Variants in ETV6 observed in about 807,000 individuals in gnomAD.
The protein encoded by ETV6 is transcription factor ETV6.
Under a neutral mutation model 51.1 loss-of-function variants are expected in ETV6, and 16 were observed. The observed-to-expected ratio is 0.31, with a 90% CI of 0.21 to 0.48. The LOEUF (loss-of-function observed/expected upper bound fraction) is 0.48. ETV6 is among the 20% of genes least tolerant of loss of function. The pLI is 0.99. For synonymous variants in ETV6, 240 were observed against 224.1 expected (o/e 1.07, Z -0.64); for missense variants, 458 against 594.8 (o/e 0.77, Z 2.39).
rs1946281180 is a variant in ETV6, at chr12:11,834,056, T to TA, written c.164-5083dup. Among the ~76,000 whole-genome samples, 4 of 152,326 alleles carry TA rather than the reference T, an allele frequency of 2.6e-5. 1 individual carries two copies. Among genetic ancestry groups the TA allele is most frequent in the African/African-American group, 9.6e-5 (4 of 41,580 alleles). Reference sequence around the variant, plus strand: ...GCTGCGTTTAGGAATTGAAGCCACATAGATCTCTGGAGGAGGCAGGCAGGT... The same window carrying TA: ...GCTGCGTTTAGGAATTGAAGCCACATAAGATCTCTGGAGGAGGCAGGCAGGT... On this transcript the variant is annotated intron_variant, in intron 2 of 7. Coordinates refer to ENST00000396373, the MANE Select transcript of ETV6 (RefSeq NM_001987.5).
intron 1 of ETV6, among the ~76,000 whole-genome samples, chr12:11,724,005 G>A (rs372295474): frequency 5.3e-5 from 8 of 152,112 alleles, no homozygotes; most frequent in South Asian, 2.1e-4. Context: ...TCTCTGACCC[G>A]TGCAGTGGTG....
At chr12:11,812,621 G>A (rs978409359) in intron 2 of ETV6, among the ~76,000 whole-genome samples, 5 of 152,064 alleles carry the variant, frequency 3.3e-5, no homozygotes, top group Non-Finnish European at 7.4e-5. Context: ...CTTACCAGAG[G>A]CGGGTCTCTT....
intron 5 of ETV6, among the ~76,000 whole-genome samples, chr12:11,871,152 C>T (rs999610674): frequency 6.6e-6 from 1 of 151,724 alleles, no homozygotes; most frequent in Non-Finnish European, 1.5e-5. Flanking sequence ...AGTGGAAGAA[C>T]AGGCTCCTAC....
At chr12:11,723,056 A>C (rs1227950072) in intron 1 of ETV6, among the ~76,000 whole-genome samples, 1 of 152,198 alleles carries the variant, frequency 6.6e-6, no homozygotes, top group African/African-American at 2.4e-5. Flanking sequence ...CCTGGGCTTG[A>C]ATCTCAGATC....
At chr12:11,768,285 T>A (rs1392914116) in intron 2 of ETV6, among the ~76,000 whole-genome samples, 1 of 152,232 alleles carries the variant, frequency 6.6e-6, no homozygotes, top group Non-Finnish European at 1.5e-5. Flanking sequence ...AAAACTTAGA[T>A]ACCATGTGGA....
chr12:11,793,972 C>T (rs1430673394), intron 2 of ETV6, among the ~76,000 whole-genome samples: 2 of 152,022 alleles, frequency 1.3e-5, no homozygotes, highest in African/African-American at 2.4e-5. Context: ...AGAATAAATA[C>T]CATGAGAAAA....
chr12:11,677,056 C>T (rs12424674), intron 1 of ETV6, among the ~76,000 whole-genome samples: 5,980 of 152,266 alleles, frequency 0.039, 334 homozygotes, highest in Admixed American at 0.15. Context: ...TACACATAAC[C>T]TGCAGTGGTT....
chr12:11,820,382 G>A (rs541256326), intron 2 of ETV6, among the ~76,000 whole-genome samples: 1 of 152,202 alleles, frequency 6.6e-6, no homozygotes, highest in Non-Finnish European at 1.5e-5. Context: ...CCGTTCACAT[G>A]CTAGTGAAGA....
chr12:11,689,392 A>G (rs1864702224), intron 1 of ETV6, among the ~76,000 whole-genome samples: 1 of 152,156 alleles, frequency 6.6e-6, no homozygotes. Context: ...CGTCGTTTGA[A>G]TATTTAAAGA....
chr12:11,779,184 C>G, intron 2 of ETV6, among the ~76,000 whole-genome samples: 2 of 152,168 alleles, frequency 1.3e-5, no homozygotes, highest in East Asian at 3.8e-4. Flanking sequence ...GCATGCTTTC[C>G]CGAATAAGTC....
In ETV6 at chr12:11,751,814, A is replaced by C; in HGVS notation, c.34-636A>C. 4.0e-6 allele frequency: 2 copies of C among 505,650 alleles called. 1 individual carries two copies. Among genetic ancestry groups the C allele is most frequent in the Non-Finnish European group, 7.9e-6 (2 of 253,458 alleles). The allele number at this position is 505,650 out of a possible 1,614,324, so 31.3% of individuals were successfully genotyped here. ...AGAGTAAAAGAACAAGGAGATATTC[A>C]TTATTGTTGCAGATAATTCCTAGCA... On this transcript the variant is annotated intron_variant, in intron 1 of 7. Coordinates refer to ENST00000396373, the MANE Select transcript of ETV6 (RefSeq NM_001987.5).
At chr12:11,853,342 G>A (rs900249392) in intron 3 of ETV6, 85 bp from the exon 4 acceptor site, 104 of 1,534,780 alleles carry the variant, frequency 6.8e-5, no homozygotes, top group Non-Finnish European at 8.8e-5. Flanking sequence ...TTGGCACCGT[G>A]CCAGGCACTT....
intron 1 of ETV6, among the ~76,000 whole-genome samples, chr12:11,737,640 A>AT (rs1327788378): frequency 5.9e-5 from 9 of 152,192 alleles, no homozygotes; most frequent in African/African-American, 2.2e-4. Flanking sequence ...ATGCATATTA[A>AT]TTTTTTAGGC....
chr12:11,729,874 G>T (rs569817659), intron 1 of ETV6, among the ~76,000 whole-genome samples: 1 of 152,270 alleles, frequency 6.6e-6, no homozygotes, highest in Admixed American at 6.5e-5. Context: ...TGAATGCATG[G>T]GTTAAAGCAG....
At chr12:11,859,456 A>C (rs953143774) in intron 4 of ETV6, among the ~76,000 whole-genome samples, 65 of 152,186 alleles carry the variant, frequency 4.3e-4, no homozygotes, top group African/African-American at 1.5e-3. Context: ...CTGCTTCTTA[A>C]TAACAAAATA....
At chr12:11,860,215 C>A (rs1396610285) in intron 4 of ETV6, among the ~76,000 whole-genome samples, 1 of 152,182 alleles carries the variant, frequency 6.6e-6, no homozygotes, top group Non-Finnish European at 1.5e-5. Context: ...CACATCCTGT[C>A]ACTGGTTGTA....
intron 2 of ETV6, among the ~76,000 whole-genome samples, chr12:11,775,124 G>T (rs146047324): frequency 6.6e-6 from 1 of 152,286 alleles, no homozygotes; most frequent in East Asian, 1.9e-4. Flanking sequence ...TTTGCTTTCC[G>T]CAGTCAAAAC....
chr12:11,791,863 A>G (rs893617628), intron 2 of ETV6, among the ~76,000 whole-genome samples: 16 of 151,182 alleles, frequency 1.1e-4, no homozygotes, highest in African/African-American at 3.4e-4. Context: ...GTGGTCGTTT[A>G]AAAAAAAAGA....
chr12:11,742,969 G>A (rs998197885), intron 1 of ETV6, among the ~76,000 whole-genome samples: 1 of 151,918 alleles, frequency 6.6e-6, no homozygotes, highest in Non-Finnish European at 1.5e-5. Context: ...ACCATGCCTG[G>A]CTAATTTTTC....
Sources: allele counts gnomAD v4.1 joint callset (sites outside exome capture counted in the v4.1 genomes callset), GRCh38; gene constraint gnomAD v4.1.1; transcripts MANE v1.5; gene names NCBI Gene and HGNC (gene_info 2026-07-23, HGNC 2026-07-21).